NHS: variants seen among roughly 807,000 people sequenced by gnomAD.
NHS encodes NHS actin remodeling regulator, also known as actin remodeling regulator NHS.
In NHS, 5 loss-of-function variants were observed where a neutral mutation model predicts 72.5. The observed-to-expected ratio is 0.07, with a 90% confidence interval of 0.04 to 0.14. The LOEUF (loss-of-function observed/expected upper bound fraction) is 0.14, where lower values mean the gene tolerates loss of function less well. NHS is among the 10% of genes least tolerant of loss of function. NHS has a pLI of 1.00. For missense variants in NHS, 1,072 were observed against 1,355.7 expected (o/e 0.79, Z 3.29); for synonymous variants, 464 against 547.7 (o/e 0.85, Z 2.13).
intron 1 of NHS, among the ~76,000 whole-genome samples, chrX:17,487,091 A>G (rs919336678): frequency 8.9e-6 from 1 of 112,202 alleles, no homozygotes; most frequent in Non-Finnish European, 1.9e-5. Flanking sequence ...GAAGCATGCT[A>G]AACAACTTTG....
intron 1 of NHS, among the ~76,000 whole-genome samples, chrX:17,660,338 G>C: frequency 8.9e-6 from 1 of 112,687 alleles, no homozygotes; most frequent in Non-Finnish European, 1.9e-5. Context: ...CAGTTGACTT[G>C]GTAGGGGCAG....
At chrX:17,692,248 ACAGCC>A in intron 2 of NHS, 82 bp from the exon 3 acceptor site, 1 of 1,007,627 alleles carries the variant, frequency 9.9e-7, no homozygotes, top group Non-Finnish European at 1.4e-6. Context: ...TTTTTTTTTT[ACAGCC>A]TTTTGCTAAC....
At chrX:17,382,134 T>C (rs1218998158) in intron 1 of NHS, among the ~76,000 whole-genome samples, 2 of 112,227 alleles carry the variant, frequency 1.8e-5, no homozygotes, top group African/African-American at 6.5e-5. Context: ...ACTTTTATTT[T>C]AGGTTCAGGG....
chrX:17,707,036 A>G (rs1226742673), intron 3 of NHS, among the ~76,000 whole-genome samples: 1 of 112,134 alleles, frequency 8.9e-6, no homozygotes, highest in Non-Finnish European at 1.9e-5. Flanking sequence ...CCTGCAGTAG[A>G]GTCCATGAGG....
chrX:17,473,182 T>C (rs1163758839), intron 1 of NHS, among the ~76,000 whole-genome samples: 1 of 111,951 alleles, frequency 8.9e-6, no homozygotes, highest in Non-Finnish European at 1.9e-5. Flanking sequence ...TGGTGGTAGA[T>C]GGAATTCTTT....
chrX:17,683,976 G>A (rs184403436), intron 1 of NHS, among the ~76,000 whole-genome samples: 3 of 112,043 alleles, frequency 2.7e-5, no homozygotes, highest in Admixed American at 9.4e-5. Flanking sequence ...GAGGGACCTA[G>A]TGGGAGGCAA....
At chrX:17,447,783 A>G (rs866891490) in intron 1 of NHS, among the ~76,000 whole-genome samples, 2 of 83,224 alleles carry the variant, frequency 2.4e-5, no homozygotes, top group East Asian at 7.1e-4. Flanking sequence ...GCACACACAC[A>G]CGCACACACA....
intron 1 of NHS, among the ~76,000 whole-genome samples, chrX:17,515,288 G>A (rs762008278): frequency 2.7e-5 from 3 of 112,116 alleles, no homozygotes; most frequent in Admixed American, 9.5e-5. Context: ...TCATCAAAGA[G>A]GGGTTAGTGT....
intron 6 of NHS, among the ~76,000 whole-genome samples, chrX:17,724,902 A>T (rs974702674): frequency 2.7e-5 from 3 of 112,072 alleles, no homozygotes; most frequent in Non-Finnish European, 5.6e-5. Context: ...ATCTCTGCCT[A>T]TGATTTTTAA....
chrX:17,428,306 G>C (rs1363714822), intron 1 of NHS, among the ~76,000 whole-genome samples: 1 of 112,456 alleles, frequency 8.9e-6, no homozygotes, highest in Non-Finnish European at 1.9e-5. Flanking sequence ...AGGATAAGTA[G>C]GCAGCTGGCT....
intron 2 of NHS, among the ~76,000 whole-genome samples, chrX:17,689,275 T>C (rs934004816): frequency 9.0e-6 from 1 of 111,660 alleles, no homozygotes; most frequent in African/African-American, 3.3e-5. Flanking sequence ...CCTAAAGCAA[T>C]TGTTTCTAAA....
At chrX:17,439,920 C>G (rs1304237532) in intron 1 of NHS, among the ~76,000 whole-genome samples, 1 of 111,743 alleles carries the variant, frequency 8.9e-6, no homozygotes, top group Non-Finnish European at 1.9e-5. Context: ...TTTCATTAAA[C>G]TTGTCTCAAT....
intron 1 of NHS, among the ~76,000 whole-genome samples, chrX:17,433,038 T>C (rs1380492269): frequency 9.4e-6 from 1 of 106,893 alleles, no homozygotes; most frequent in African/African-American, 3.4e-5. Flanking sequence ...TTGCTCCCCC[T>C]TTTTTTTTTG....
chrX:17,501,300 C>A (rs978894059), intron 1 of NHS, among the ~76,000 whole-genome samples: 1 of 109,807 alleles, frequency 9.1e-6, no homozygotes, highest in African/African-American at 3.3e-5. Flanking sequence ...CTGCAGTGAG[C>A]CGTCATTGTA....
intron 1 of NHS, among the ~76,000 whole-genome samples, chrX:17,536,279 T>G (rs970619107): frequency 1.8e-5 from 2 of 112,306 alleles, no homozygotes; most frequent in African/African-American, 3.2e-5. Flanking sequence ...GGTGGGAACC[T>G]GGGAGGCGGA....
chrX:17,726,826 C>T lies in NHS; in HGVS notation c.2720C>T (p.Pro907Leu), dbSNP rs768081892. The T allele has an allele frequency of 1.8e-5, 22 of 1,210,065 alleles. No homozygotes were observed. The highest frequency in any genetic ancestry group is 1.3e-4 in the Admixed American group (6 of 45,758). ...TPSRMENANL[P>L]TKQEPSWINQ... ...TCTCGAATGGAAAACGCCAATCTTC[C>T]CACCAAGCAGGAACCTTCTTGGATA... Residue 907 changes from proline to leucine, a missense_variant, in exon 7 of 9, where the codon CCC (proline) becomes CTC (leucine). Pro to Leu is a moderately conservative substitution (Grantham distance 98). Transcript: ENST00000676302.
At chrX:17,559,453 A>T (rs763980844) in intron 1 of NHS, among the ~76,000 whole-genome samples, 1 of 112,158 alleles carries the variant, frequency 8.9e-6, no homozygotes, top group East Asian at 2.8e-4. Flanking sequence ...GGGCTAAGGC[A>T]TTGGCCTCCG....
intron 1 of NHS, among the ~76,000 whole-genome samples, chrX:17,570,290 T>A (rs1314466782): frequency 8.9e-6 from 1 of 112,574 alleles, no homozygotes; most frequent in Non-Finnish European, 1.9e-5. Flanking sequence ...TATTGATTCT[T>A]CCTATCCATG....
chrX:17,530,623 T>C (rs1459023911), intron 1 of NHS, among the ~76,000 whole-genome samples: 1 of 111,483 alleles, frequency 9.0e-6, no homozygotes. Flanking sequence ...CGCACATTAA[T>C]GTTTCAGAAG....
Sources: allele counts gnomAD v4.1 joint callset (sites outside exome capture counted in the v4.1 genomes callset), GRCh38; gene constraint gnomAD v4.1.1; transcripts MANE v1.5; gene names NCBI Gene and HGNC (gene_info 2026-07-23, HGNC 2026-07-21).